C12orf42: variants seen among roughly 807,000 people sequenced by gnomAD.
C12orf42 encodes the protein uncharacterized protein C12orf42.
A neutral mutation model predicts 21.6 loss-of-function variants in C12orf42; 25 were observed. The ratio of observed to expected loss-of-function variants is 1.16; its 90% CI spans 0.84 to 1.62. The LOEUF is 1.62. Among genes scored for constraint, C12orf42 ranks in the 40% most tolerant of loss-of-function variants. C12orf42 has a pLI of 0.00. For missense variants in C12orf42, 483 were observed against 459.3 expected (o/e 1.05, Z -0.47); for synonymous variants, 174 against 175.0 (o/e 0.99, Z 0.05).
At chr12:103,198,222 G>A in the C12orf42 span, among the ~76,000 whole-genome samples, 1 of 152,174 alleles carries the variant, frequency 6.6e-6, no homozygotes, top group East Asian at 1.9e-4. Flanking sequence ...CAAAACAGAG[G>A]GAGAGGCTGT....
At chr12:103,477,945 TTA>T in intron 2 of C12orf42, 1 of 182,020 alleles carries the variant, frequency 5.5e-6, no homozygotes, top group Non-Finnish European at 1.1e-5. Context: ...TTGTAGTTTT[TTA>T]TATGTCAGTG....
chr12:103,384,768 T>C (rs1238549300), intron 3 of C12orf42, among the ~76,000 whole-genome samples: 1 of 152,184 alleles, frequency 6.6e-6, no homozygotes, highest in African/African-American at 2.4e-5. Context: ...TATTCAAAGA[T>C]GTCTATTGAC....
At chr12:103,090,246 G>A in the C12orf42 span, among the ~76,000 whole-genome samples, 8 of 152,148 alleles carry the variant, frequency 5.3e-5, no homozygotes, top group South Asian at 2.1e-4. Context: ...TTTTATGGAG[G>A]AAACGTTTCT....
intron 1 of C12orf42, among the ~76,000 whole-genome samples, chr12:103,495,478 C>A (rs942281982): frequency 1.3e-5 from 2 of 151,676 alleles, no homozygotes; most frequent in Admixed American, 6.5e-5. Context: ...GCGAGCCGGC[C>A]GGGTGGGGAG....
At chr12:103,507,504 C>G in the C12orf42 span, among the ~76,000 whole-genome samples, 1 of 126,416 alleles carries the variant, frequency 7.9e-6, no homozygotes, top group Non-Finnish European at 1.7e-5. Context: ...ACCCCATCTT[C>G]AAAAAAAAAA....
At chr12:103,277,960 T>C (rs1428200365) in intron 4 of C12orf42, among the ~76,000 whole-genome samples, 1 of 152,174 alleles carries the variant, frequency 6.6e-6, no homozygotes, top group Non-Finnish European at 1.5e-5. Context: ...AGAAAATATC[T>C]AAATAAGTTG....
chr12:103,304,719 A>G (rs1219825062), intron 5 of C12orf42, among the ~76,000 whole-genome samples: 2 of 152,350 alleles, frequency 1.3e-5, no homozygotes, highest in South Asian at 2.1e-4. Flanking sequence ...CCTTGTTCAT[A>G]GTAAGAATTC....
At chr12:103,303,950 T>C (rs779964726) in intron 5 of C12orf42, among the ~76,000 whole-genome samples, 38 of 152,278 alleles carry the variant, frequency 2.5e-4, no homozygotes, top group African/African-American at 7.2e-4. Flanking sequence ...CCAGAGAACA[T>C]TGATGTAGCT....
chr12:103,086,240 A>G, the C12orf42 span, among the ~76,000 whole-genome samples: 1 of 152,128 alleles, frequency 6.6e-6, no homozygotes, highest in Non-Finnish European at 1.5e-5. Context: ...GGCACCAAAG[A>G]GTTACTTTAC....
intron 4 of C12orf42, among the ~76,000 whole-genome samples, chr12:103,279,264 A>G (rs962915014): frequency 1.3e-5 from 2 of 152,174 alleles, no homozygotes; most frequent in African/African-American, 4.8e-5. Flanking sequence ...GGGCAGGAGG[A>G]AACTTGGAGG....
the C12orf42 span, among the ~76,000 whole-genome samples, chr12:103,117,313 G>T: frequency 4.6e-5 from 7 of 151,960 alleles, no homozygotes. Context: ...TTAACATACT[G>T]TTTCTGGCTT....
chr12:103,292,536 G>T (rs1040314873), intron 4 of C12orf42, among the ~76,000 whole-genome samples: 7 of 152,042 alleles, frequency 4.6e-5, no homozygotes, highest in Non-Finnish European at 4.4e-5. Context: ...AAGGGAACCA[G>T]AATAGTGTCT....
intron 3 of C12orf42, among the ~76,000 whole-genome samples, chr12:103,387,320 G>A (rs2046696868): frequency 6.6e-6 from 1 of 152,000 alleles, no homozygotes; most frequent in Non-Finnish European, 1.5e-5. Context: ...TCACCTCTTT[G>A]CTAAATACTA....
the C12orf42 span, among the ~76,000 whole-genome samples, chr12:103,543,653 T>C: frequency 2.6e-5 from 4 of 152,170 alleles, no homozygotes; most frequent in East Asian, 7.7e-4. Flanking sequence ...AATCACCCAC[T>C]TCCCAGTGCC....
chr12:103,185,225 C>T, the C12orf42 span, among the ~76,000 whole-genome samples: 34 of 152,174 alleles, frequency 2.2e-4, no homozygotes, highest in Admixed American at 6.5e-4. Context: ...TGGCTAAGGG[C>T]GACTCCTAGA....
intron 4 of C12orf42, among the ~76,000 whole-genome samples, chr12:103,352,930 C>T (rs1240331116): frequency 6.6e-6 from 1 of 152,038 alleles, no homozygotes; most frequent in African/African-American, 2.4e-5. Flanking sequence ...ACCAACTGGT[C>T]GTGTCCCAAA....
intron 4 of C12orf42, among the ~76,000 whole-genome samples, chr12:103,281,133 T>C (rs1459557163): frequency 6.6e-6 from 1 of 152,212 alleles, no homozygotes; most frequent in Non-Finnish European, 1.5e-5. Flanking sequence ...ATGATGTCTA[T>C]TTGAAAGAGT....
the C12orf42 span, among the ~76,000 whole-genome samples, chr12:103,084,728 T>A: frequency 6.6e-6 from 1 of 152,148 alleles, no homozygotes; most frequent in African/African-American, 2.4e-5. Flanking sequence ...TGGAAGCCAA[T>A]TGGTATATGT....
At chr12:103,265,868 A>G (rs1461588311), downstream of C12orf42, among the ~76,000 whole-genome samples, 1 of 151,980 alleles carries the variant, frequency 6.6e-6, no homozygotes, top group South Asian at 2.1e-4. Context: ...TGCAATAACT[A>G]TTAACTGCCA....
Sources: gnomAD v4.1 joint callset for allele counts (sites outside exome capture counted in the v4.1 genomes callset) on GRCh38, gnomAD v4.1.1 for gene constraint, MANE v1.5 for transcripts, NCBI Gene and HGNC (gene_info 2026-07-23, HGNC 2026-07-21) for gene names.